EXOC4: variants seen among roughly 807,000 people sequenced by gnomAD.
EXOC4 encodes the protein SEC8-like 1.
EXOC4 carries 71 observed loss-of-function variants against 107.2 expected under a neutral mutation model. That is an observed-to-expected ratio of 0.66 (90% CI 0.55 to 0.81). The LOEUF is 0.81. EXOC4 is among the 30% of genes least tolerant of loss of function. The probability of loss-of-function intolerance (pLI) is 0.00; values close to 1 mark genes in which losing one functional copy is unlikely to be tolerated. For missense variants in EXOC4, 1,108 were observed against 1,189.6 expected (o/e 0.93, Z 1.01); for synonymous variants, 456 against 441.2 (o/e 1.03, Z -0.42).
In EXOC4 at chr7:133,475,455, C is replaced by T. The variant is rs1378416459; in HGVS notation, c.1310C>T (p.Pro437Leu). Residue 437 changes from proline (P) to leucine (L), a missense_variant, in exon 8 of 18, where the codon CCA becomes CTA. By Grantham distance (98) the Pro-to-Leu change is moderately conservative. Transcript: ENST00000253861. ...AFFAKKKPQRPKNSLFKFESS... is the reference protein window; with the variant it reads ...AFFAKKKPQRLKNSLFKFESS... ...TTTGCCAAGAAGAAACCTCAAAGGC[C>T]AAAAAATTCTCTTTTCAAGTAAGTA... 1 of 1,612,760 alleles carries T rather than the reference C, an allele frequency of 6.2e-7. No homozygotes were observed. The highest frequency in any genetic ancestry group is 2.2e-5 in the East Asian group (1 of 44,860).
At chr7:133,531,843 A>G (rs183978186) in intron 9 of EXOC4, among the ~76,000 whole-genome samples, 6 of 152,224 alleles carry the variant, frequency 3.9e-5, no homozygotes, top group Admixed American at 6.5e-5. Flanking sequence ...TGGTAGACCT[A>G]CAAGCACAGA....
At chr7:133,947,116 G>C (rs1315817373) in intron 14 of EXOC4, among the ~76,000 whole-genome samples, 1 of 152,204 alleles carries the variant, frequency 6.6e-6, no homozygotes, top group Non-Finnish European at 1.5e-5. Flanking sequence ...CTTCTCACCT[G>C]TTAAATACAA....
intron 10 of EXOC4, among the ~76,000 whole-genome samples, chr7:133,717,110 T>TA (rs921819324): frequency 3.9e-5 from 6 of 152,144 alleles, no homozygotes; most frequent in East Asian, 1.9e-4. Flanking sequence ...TAGATTCCAA[T>TA]AAAAAAAATT....
chr7:133,670,956 T>A (rs2151057410), intron 10 of EXOC4, among the ~76,000 whole-genome samples: 1 of 152,128 alleles, frequency 6.6e-6, no homozygotes, highest in Non-Finnish European at 1.5e-5. Flanking sequence ...AGGAGTCAGA[T>A]AGGATGCTGC....
chr7:134,035,141 G>T (rs1301356872), intron 17 of EXOC4, among the ~76,000 whole-genome samples: 2 of 151,450 alleles, frequency 1.3e-5, no homozygotes, highest in Admixed American at 6.6e-5. Flanking sequence ...CACCTCCTGG[G>T]TTCAAGCCAT....
rs1176594782 is a variant in EXOC4 at position 134,021,797 on chromosome 7, C to T, written c.2687+13962C>T. Among the ~76,000 whole-genome samples the T allele has an allele frequency of 6.0e-5, 9 of 150,568 alleles. No individual in the cohort carries two copies. In the East Asian group the frequency reaches 1.4e-3, roughly 23 times the overall value. ...ATTGACTTCTTTCTCTTGACACACA[C>T]GGTCAGGGGAAGGAATGGATCAATT... is the stretch of plus-strand genomic sequence containing the variant. On this transcript the variant is annotated intron_variant, in intron 17 of 17. Transcript: ENST00000253861.
At chr7:133,299,702 CT>C (rs1315091420) in intron 3 of EXOC4, among the ~76,000 whole-genome samples, 3 of 152,262 alleles carry the variant, frequency 2.0e-5, no homozygotes, top group Admixed American at 1.3e-4. Flanking sequence ...AGGGCCTTTT[CT>C]TTGACAGCAC....
At chr7:133,851,194 G>C (rs940792260) in intron 11 of EXOC4, among the ~76,000 whole-genome samples, 2 of 152,138 alleles carry the variant, frequency 1.3e-5, no homozygotes, top group East Asian at 3.8e-4. Context: ...AGGCAAAGTC[G>C]GATATTTCAT....
intron 10 of EXOC4, among the ~76,000 whole-genome samples, chr7:133,777,494 G>T (rs1796371775): frequency 6.6e-6 from 1 of 152,186 alleles, no homozygotes; most frequent in Non-Finnish European, 1.5e-5. Context: ...GTGAGAAGTT[G>T]CTACTCTAGA....
At chr7:133,656,891 A>C (rs1050904551) in intron 10 of EXOC4, among the ~76,000 whole-genome samples, 2 of 152,004 alleles carry the variant, frequency 1.3e-5, no homozygotes, top group Non-Finnish European at 2.9e-5. Flanking sequence ...TTGGGACTTG[A>C]AATGAGAGTA....
chr7:133,316,313 G>C (rs578163471), intron 4 of EXOC4, among the ~76,000 whole-genome samples: 1 of 152,124 alleles, frequency 6.6e-6, no homozygotes, highest in Non-Finnish European at 1.5e-5. Flanking sequence ...CTATAGGCGT[G>C]GTCTCTTCTC....
intron 9 of EXOC4, among the ~76,000 whole-genome samples, chr7:133,540,417 G>A (rs984696371): frequency 6.6e-6 from 1 of 152,148 alleles, no homozygotes; most frequent in Non-Finnish European, 1.5e-5. Context: ...AAAAACCAGT[G>A]TAACTCCAAC....
intron 9 of EXOC4, among the ~76,000 whole-genome samples, chr7:133,517,233 G>A (rs570203700): frequency 2.0e-4 from 31 of 152,212 alleles, no homozygotes; most frequent in African/African-American, 5.8e-4. Flanking sequence ...ATTAGTTATG[G>A]CAGTTCCACA....
chr7:133,543,088 A>G (rs1230911485), intron 9 of EXOC4, among the ~76,000 whole-genome samples: 1 of 152,086 alleles, frequency 6.6e-6, no homozygotes, highest in Non-Finnish European at 1.5e-5. Context: ...TGAACTCTTG[A>G]TTGGCTTTGC....
At chr7:133,863,157 G>A (rs1054014115) in intron 11 of EXOC4, among the ~76,000 whole-genome samples, 1 of 152,086 alleles carries the variant, frequency 6.6e-6, no homozygotes, top group African/African-American at 2.4e-5. Flanking sequence ...AAAGAAATCA[G>A]TGGAGCATAA....
intron 9 of EXOC4, among the ~76,000 whole-genome samples, chr7:133,547,377 T>A (rs1429097042): frequency 3.9e-5 from 6 of 152,190 alleles, no homozygotes; most frequent in Admixed American, 3.9e-4. Flanking sequence ...CTTGCCTTGA[T>A]GTTTGTGGCT....
chr7:133,815,620 C>T (rs967026778), intron 10 of EXOC4, among the ~76,000 whole-genome samples: 3 of 152,172 alleles, frequency 2.0e-5, no homozygotes, highest in African/African-American at 7.2e-5. Flanking sequence ...CTGAGTTTGG[C>T]TCGGTTGCCA....
intron 10 of EXOC4, among the ~76,000 whole-genome samples, chr7:133,788,994 A>G (rs1382464285): frequency 1.3e-5 from 2 of 152,188 alleles, no homozygotes; most frequent in East Asian, 3.9e-4. Flanking sequence ...CCTCTGAATC[A>G]GGCCACCATA....
At chr7:133,335,196 A>G (rs1410042781) in intron 5 of EXOC4, among the ~76,000 whole-genome samples, 1 of 152,178 alleles carries the variant, frequency 6.6e-6, no homozygotes, top group Non-Finnish European at 1.5e-5. Context: ...ATAGCTTAAA[A>G]ATTTTTTTTA....
Sources: gnomAD v4.1 joint callset for allele counts (sites outside exome capture counted in the v4.1 genomes callset) on GRCh38, gnomAD v4.1.1 for gene constraint, MANE v1.5 for transcripts, NCBI Gene and HGNC (gene_info 2026-07-23, HGNC 2026-07-21) for gene names.